RELB: variants seen among roughly 807,000 people sequenced by gnomAD.
The protein encoded by RELB is RELB proto-oncogene, NF-kB subunit.
A neutral mutation model predicts 55.4 loss-of-function variants in RELB; 14 were observed. The observed-to-expected ratio is 0.25, with a 90% confidence interval of 0.17 to 0.40. The LOEUF (loss-of-function observed/expected upper bound fraction) is 0.40. Ranked by LOEUF, RELB falls within the 10% of genes least tolerant of loss-of-function variation. The probability of loss-of-function intolerance (pLI) is 1.00; values close to 1 mark genes in which losing one functional copy is unlikely to be tolerated. For synonymous variants in RELB, 409 were observed against 371.3 expected, an observed-to-expected ratio of 1.10 and a Z score of -1.17; for missense variants, 669 against 830.7, an observed-to-expected ratio of 0.81 and a Z score of 2.39.
chr19:45,019,175 A>G (rs562302256), intron 4 of RELB, among the ~76,000 whole-genome samples: 2 of 152,024 alleles, frequency 1.3e-5, no homozygotes, highest in East Asian at 3.9e-4. Flanking sequence ...CAGTTTTCCC[A>G]TCTTAGCCTC....
At chr19:45,034,428 T>C in intron 10 of RELB, 23 bp from the exon 11 acceptor site, 1 of 1,610,846 alleles carries the variant, frequency 6.2e-7, no homozygotes, top group Non-Finnish European at 8.5e-7. Flanking sequence ...GGAACAGGGG[T>C]CCTCATCTCT....
At chr19:45,006,026 A>G (rs950183873) in intron 2 of RELB, among the ~76,000 whole-genome samples, 2 of 152,272 alleles carry the variant, frequency 1.3e-5, no homozygotes, top group African/African-American at 4.8e-5. Context: ...TGTGCCGAGC[A>G]GTGCTGAGGA....
chr19:45,026,278 C>A (rs778206380), intron 7 of RELB, among the ~76,000 whole-genome samples: 4 of 151,754 alleles, frequency 2.6e-5, no homozygotes, highest in Non-Finnish European at 1.5e-5. Context: ...TGACATGCAC[C>A]TGTAGTCCCA....
chr19:45,012,964 C>T (rs111580999), intron 4 of RELB, among the ~76,000 whole-genome samples: 2 of 151,760 alleles, frequency 1.3e-5, no homozygotes, highest in African/African-American at 2.4e-5. Flanking sequence ...GTGGGAGGAT[C>T]GCTTGAGCCT....
chr19:45,002,096 G>A (rs1971219041), intron 1 of RELB, among the ~76,000 whole-genome samples: 1 of 148,726 alleles, frequency 6.7e-6, no homozygotes, highest in Non-Finnish European at 1.5e-5. Flanking sequence ...GCCCTACGCT[G>A]AGGGGTGAGG....
chr19:45,025,573 C>G, intron 6 of RELB, 33 bp from the exon 7 acceptor site: 1 of 1,613,116 alleles, frequency 6.2e-7, no homozygotes, highest in Non-Finnish European at 8.5e-7. Context: ...TCTCCACTTC[C>G]CACCCTCAGC....
rs1190927240 is a variant in RELB, at chr19:45,001,665, C to T, written c.86C>T (p.Ala29Val). 2 of 1,521,498 alleles carry T rather than the reference C, an allele frequency of 1.3e-6. No individual in the cohort carries two copies. The highest frequency in any genetic ancestry group is 2.5e-5 in the East Asian group (1 of 39,230). 94.2% of individuals were successfully genotyped at this position (1,521,498 alleles called of 1,614,324 possible). A position where few individuals can be genotyped will look rare whatever the true frequency, so the allele number is the denominator to read the frequency against. Residue 29 changes from alanine to valine, a missense_variant, in exon 1 of 12, where the codon GCG (alanine) becomes GTG (valine). Coordinates refer to ENST00000221452, the MANE Select transcript of RELB (RefSeq NM_006509.4). The part of the protein sequence containing the change: ...PSRRVARPPA[A>V]PELGALGSPD... ...CGCCGCGTCGCCAGACCGCCGGCTG[C>T]GCCGGAGCTGGGGGCCTTAGGTAAG...
Position 45,028,874 on chromosome 19 carries a change from T to G in RELB, c.887-14T>G. 2 of 1,571,936 alleles carry G rather than the reference T, an allele frequency of 1.3e-6. No individual in the cohort carries two copies. The highest frequency in any genetic ancestry group is 4.7e-5 in the East Asian group (2 of 42,800). ...ATTTTTTTTAATACACTTCTTCCTC[T>G]TGCTCCTTCCCAGAATCCACAAACA... is the stretch of plus-strand genomic sequence containing the variant. On this transcript the variant is annotated splice_polypyrimidine_tract_variant and intron_variant, in intron 7 of 11. Coordinates refer to ENST00000221452, the MANE Select transcript of RELB (RefSeq NM_006509.4).
rs377464997 is a variant in RELB at position 45,032,722 on chromosome 19, C to G, written c.1180C>G (p.Pro394Ala). ...CGATGGGGTCTGCAGCGAGCCATTG[C>G]CTTTCACGTACCTGCCTCGCGACCA... ...LTDGVCSEPL[P>A]FTYLPRDHDS... Residue 394 changes from proline (P) to alanine (A), a missense_variant, in exon 9 of 12, where the codon CCT (proline) becomes GCT (alanine). Pro to Ala is a conservative substitution (Grantham distance 27, BLOSUM62 -1). Around this residue, in one of 3 missense-constraint regions of RELB, gnomAD observed 341 missense variants for 436.8 expected, o/e 0.78. Coordinates refer to ENST00000221452, the MANE Select transcript of RELB (RefSeq NM_006509.4). The G allele has an allele frequency of 6.2e-7, 1 of 1,609,004 alleles. No homozygotes were observed. Among genetic ancestry groups the G allele is most frequent in the East Asian group, 2.2e-5 (1 of 44,660 alleles).
At chr19:45,030,868 T>A (rs1393019520) in intron 8 of RELB, among the ~76,000 whole-genome samples, 1 of 152,100 alleles carries the variant, frequency 6.6e-6, no homozygotes, top group African/African-American at 2.4e-5. Context: ...TATAACAGAG[T>A]TGGTAGTGAA....
In RELB at chr19:45,037,617, G is replaced by T. The variant is rs1400571456; in HGVS notation, c.1567G>T (p.Ala523Ser). The change falls in exon 12 of 12, where the codon GCC (alanine) becomes TCC (serine). Residue 523 changes from alanine (A) to serine (S), a missense_variant. By Grantham distance (99) the Ala-to-Ser change is moderately conservative (BLOSUM62 1). Coordinates refer to ENST00000221452, the MANE Select transcript of RELB (RefSeq NM_006509.4). ...TGTTGTGTGCAGCGGAGGTGCCGGGGCCGTGGTTGGGGAGACCCCCGGCCC... is the reference window on the plus strand; with the variant it reads ...TGTTGTGTGCAGCGGAGGTGCCGGGTCCGTGGTTGGGGAGACCCCCGGCCC... ...SAVVCSGGAG[A>S]VVGETPGPEP... The T allele has an allele frequency of 6.2e-7, 1 of 1,603,728 alleles. No homozygotes were observed.
At chr19:45,029,102 C>A in intron 8 of RELB, 110 bp downstream of exon 8, 1 of 733,702 alleles carries the variant, frequency 1.4e-6, no homozygotes, top group South Asian at 1.6e-5. Context: ...TTAACCAGGG[C>A]ACCAGAGTGC....
chr19:45,007,158 C>T (rs1971292019), intron 2 of RELB, among the ~76,000 whole-genome samples: 1 of 152,006 alleles, frequency 6.6e-6, no homozygotes, highest in Non-Finnish European at 1.5e-5. Context: ...CAGAGACCAG[C>T]CTGTGCAAAG....
At chr19:45,028,122 C>T (rs551950287) in intron 7 of RELB, among the ~76,000 whole-genome samples, 325 of 151,996 alleles carry the variant, frequency 2.1e-3, no homozygotes, top group Non-Finnish European at 3.2e-3. Flanking sequence ...TGGGCTCAAA[C>T]GATCCTCCCT....
chr19:45,025,497 C>A, intron 6 of RELB, 77 bp downstream of exon 6: 1 of 1,555,908 alleles, frequency 6.4e-7, no homozygotes, highest in Non-Finnish European at 8.8e-7. Context: ...GGTCCCCTCA[C>A]CACTCCAGGC....
rs1971586624 is a variant in RELB, at chr19:45,028,741, G to T, written c.887-147G>T. ...ACTTCTTTCTCCACCTGGACTATGG[G>T]TTCCATGAGGATCAGATGCCCTGCC... On this transcript the variant is annotated intron_variant, in intron 7 of 11. Coordinates refer to ENST00000221452, the MANE Select transcript of RELB (RefSeq NM_006509.4). 6.1e-5 allele frequency: 38 copies of T among 620,548 alleles called. No homozygotes were observed. In the South Asian group the frequency reaches 6.9e-4, roughly 11 times the overall value. 38.4% of individuals were successfully genotyped at this position (620,548 alleles called of 1,614,324 possible).
rs369966814 is a variant in RELB, at chr19:45,037,651, T to C, written c.1601T>C (p.Leu534Pro). The change falls in exon 12 of 12, where the codon CTG (leucine) becomes CCG (proline). Residue 534 changes from leucine (L) to proline (P), a missense_variant. By Grantham distance (98) the Leu-to-Pro change is moderately conservative. Around this residue, in one of 3 missense-constraint regions of RELB, gnomAD observed 341 missense variants for 436.8 expected, o/e 0.78. Coordinates refer to ENST00000221452, the MANE Select transcript of RELB (RefSeq NM_006509.4). Reference protein sequence around the residue: ...VVGETPGPEPLTLDSYQAPGP... With the variant: ...VVGETPGPEPPTLDSYQAPGP... ...GGGGAGACCCCCGGCCCTGAACCAC[T>C]GACACTGGACTCGTACCAGGCCCCG... 53 of 1,597,352 alleles carry C rather than the reference T, an allele frequency of 3.3e-5. No individual in the cohort carries two copies. The highest frequency in any genetic ancestry group is 4.5e-5 in the Non-Finnish European group (53 of 1,173,046).
At chr19:45,002,601 C>G (rs1052401703) in intron 1 of RELB, among the ~76,000 whole-genome samples, 2 of 152,168 alleles carry the variant, frequency 1.3e-5, no homozygotes, top group African/African-American at 4.8e-5. Flanking sequence ...GATCCGCACG[C>G]CTCGGCCTCT....
chr19:45,034,322 C>G lies in RELB; in HGVS notation c.1276+10C>G. The G allele has an allele frequency of 6.2e-7, 1 of 1,613,412 alleles. No individual in the cohort carries two copies. The highest frequency in any genetic ancestry group is 1.1e-5 in the South Asian group (1 of 91,066). On this transcript the variant is annotated intron_variant, in intron 10 of 11. Transcript: ENST00000221452. ...GAGCTGAACAGCTCTGGTGTGTGCC[C>G]TCTGCCCCTTTCCACCCCCATCCCC...
Sources: gnomAD v4.1 joint callset for allele counts (sites outside exome capture counted in the v4.1 genomes callset) on GRCh38, gnomAD v4.1.1 for gene constraint, gnomAD v4.1.1 regional missense constraint, MANE v1.5 for transcripts, NCBI Gene and HGNC (gene_info 2026-07-23, HGNC 2026-07-21) for gene names.